ATP8A2: variants seen among roughly 807,000 people sequenced by gnomAD.
The protein encoded by ATP8A2 is ATPase phospholipid transporting 8A2.
In ATP8A2, 100 loss-of-function variants were observed where a neutral mutation model predicts 165.6. That is an observed-to-expected ratio of 0.60 (90% CI 0.51 to 0.71). ATP8A2 has a LOEUF of 0.71. Among genes scored for constraint, ATP8A2 ranks in the 30% least tolerant of loss-of-function variants. ATP8A2 has a pLI of 0.00. For missense variants in ATP8A2, 1,227 were observed against 1,479.5 expected, an observed-to-expected ratio of 0.83 and a Z score of 2.80; for synonymous variants, 543 against 548.8, an observed-to-expected ratio of 0.99 and a Z score of 0.15.
At chr13:25,791,556 C>CACACAT (rs1210476968) in intron 27 of ATP8A2, among the ~76,000 whole-genome samples, 5 of 151,576 alleles carry the variant, frequency 3.3e-5, no homozygotes, top group Non-Finnish European at 2.9e-5. Flanking sequence ...CACACACACA[C>CACACAT]ACACACACAC....
At chr13:25,607,131 A>G (rs2040537801) in intron 24 of ATP8A2, among the ~76,000 whole-genome samples, 1 of 152,134 alleles carries the variant, frequency 6.6e-6, no homozygotes, top group Non-Finnish European at 1.5e-5. Context: ...CCTTATGAAA[A>G]TTTAACTAAT....
At chr13:25,577,228 T>C in intron 20 of ATP8A2, 90 bp downstream of exon 20, 2 of 1,108,956 alleles carry the variant, frequency 1.8e-6, no homozygotes, top group Non-Finnish European at 2.7e-6. Flanking sequence ...CATCATTCCC[T>C]GATTGTTTGT....
chr13:25,648,228 A>C (rs1338308991), intron 24 of ATP8A2, among the ~76,000 whole-genome samples: 2 of 152,020 alleles, frequency 1.3e-5, no homozygotes, highest in Admixed American at 6.6e-5. Flanking sequence ...TCCAGTTCAG[A>C]TATTGCTTCT....
Position 25,582,458 on chromosome 13 carries a change from C to T in ATP8A2, c.2146+501C>T, listed in dbSNP as rs1032450637. ...GGAATTTAAGTCAGGATAACTCTGC[C>T]GTTGTTAAAGGAGCACGTTTTAAGT... is the stretch of plus-strand genomic sequence containing the variant. On this transcript the variant is annotated intron_variant, in intron 23 of 36. Coordinates refer to ENST00000381655, the MANE Select transcript of ATP8A2 (RefSeq NM_016529.6). 1.3e-5 allele frequency among the ~76,000 whole-genome samples: 2 copies of T among 152,138 alleles called. 1 individual carries two copies. Among genetic ancestry groups the T allele is most frequent in the South Asian group, 4.1e-4 (2 of 4,820 alleles).
At chr13:25,638,483 G>A (rs2041428900) in intron 24 of ATP8A2, among the ~76,000 whole-genome samples, 1 of 152,162 alleles carries the variant, frequency 6.6e-6, no homozygotes, top group Non-Finnish European at 1.5e-5. Flanking sequence ...TAGCCGATTC[G>A]ATCAACTGGA....
intron 25 of ATP8A2, among the ~76,000 whole-genome samples, chr13:25,764,800 C>G (rs2044456802): frequency 6.6e-6 from 1 of 152,166 alleles, no homozygotes; most frequent in South Asian, 2.1e-4. Flanking sequence ...TTTTGGGTCT[C>G]TAGGGGGTTC....
chr13:25,774,531 T>G (rs111735384), intron 26 of ATP8A2, among the ~76,000 whole-genome samples: 4,202 of 152,280 alleles, frequency 0.028, 185 homozygotes, highest in African/African-American at 0.096. Flanking sequence ...TAATAAACCT[T>G]CACATCCTGC....
chr13:25,378,694 G>A (rs143534348), intron 1 of ATP8A2, among the ~76,000 whole-genome samples: 17 of 152,272 alleles, frequency 1.1e-4, no homozygotes, highest in Admixed American at 2.0e-4. Context: ...TGCGAGTGAA[G>A]CACCTCCTCC....
At position 25,914,437 on chromosome 13, in the gene ATP8A2, A is replaced by C. The variant is rs909125565; in HGVS notation, c.3184-47138A>C. On this transcript the variant is annotated intron_variant, in intron 33 of 36. Coordinates refer to ENST00000381655, the MANE Select transcript of ATP8A2 (RefSeq NM_016529.6). Reference sequence around the variant, plus strand: ...ATCAACATACTTGAAAATAAAATCTATTTTCTACAACCTGTGTACTGATGA... The same window carrying C: ...ATCAACATACTTGAAAATAAAATCTCTTTTCTACAACCTGTGTACTGATGA... 2.6e-5 allele frequency among the ~76,000 whole-genome samples: 4 copies of C among 151,990 alleles called. No homozygotes were observed. In the East Asian group the frequency reaches 7.7e-4, roughly 29 times the overall value.
In ATP8A2 at chr13:25,436,266, C is replaced by T. The variant is rs572081743; in HGVS notation, c.77-32711C>T. ...GTAGGCAGTTCCTCAGCCCCTACCCCGTCCCCAATCCAGCAGTCCCAGTAT... is the reference window on the plus strand; with the variant it reads ...GTAGGCAGTTCCTCAGCCCCTACCCTGTCCCCAATCCAGCAGTCCCAGTAT... On this transcript the variant is annotated intron_variant, in intron 1 of 36. Transcript: ENST00000381655. 2.8e-3 allele frequency among the ~76,000 whole-genome samples: 431 copies of T among 152,184 alleles called. 21 individuals carry two copies. The South Asian group carries it at 0.082, about 29-fold the overall frequency.
At chr13:25,453,366 TC>T (rs1410640878) in intron 1 of ATP8A2, among the ~76,000 whole-genome samples, 1 of 152,068 alleles carries the variant, frequency 6.6e-6, no homozygotes, top group African/African-American at 2.4e-5. Flanking sequence ...CCTCAAGTGA[TC>T]CATCCGCCTC....
rs1215888729 is a variant in ATP8A2, at chr13:25,528,834, C to T, written c.222-1165C>T. 5.2e-5 allele frequency among the ~76,000 whole-genome samples: 4 copies of T among 77,244 alleles called. 1 individual carries two copies. Among genetic ancestry groups the T allele is most frequent in the African/African-American group, 1.6e-4 (4 of 25,032 alleles). The allele number at this position is 77,244 out of a possible 152,430, so 50.7% of individuals were successfully genotyped here. ...AACATGTGTATGCACACATATGCAA[C>T]ATGTGTATGCACACATATGCAACAT... On this transcript the variant is annotated intron_variant, in intron 2 of 36. Coordinates refer to ENST00000381655, the MANE Select transcript of ATP8A2 (RefSeq NM_016529.6).
chr13:25,780,840 C>G (rs2044858134), intron 27 of ATP8A2, among the ~76,000 whole-genome samples: 1 of 152,072 alleles, frequency 6.6e-6, no homozygotes, highest in African/African-American at 2.4e-5. Context: ...GCAATATTGC[C>G]CGCTAGCCCT....
At chr13:25,668,879 T>C (rs908072223) in intron 24 of ATP8A2, among the ~76,000 whole-genome samples, 6 of 152,290 alleles carry the variant, frequency 3.9e-5, no homozygotes, top group Middle Eastern at 3.4e-3. Flanking sequence ...AGAATTTCTG[T>C]TTGATTCGTT....
At chr13:25,562,631 G>C (rs2039191692) in intron 15 of ATP8A2, among the ~76,000 whole-genome samples, 1 of 152,180 alleles carries the variant, frequency 6.6e-6, no homozygotes, top group African/African-American at 2.4e-5. Context: ...TGGTTCAACT[G>C]TTTTGGAAGC....
intron 33 of ATP8A2, among the ~76,000 whole-genome samples, chr13:25,939,740 A>C (rs1375758491): frequency 6.6e-6 from 1 of 152,120 alleles, no homozygotes; most frequent in African/African-American, 2.4e-5. Flanking sequence ...TCCCCGACTC[A>C]CAGCCATCCC....
chr13:25,652,992 G>A (rs2041848171), intron 24 of ATP8A2, among the ~76,000 whole-genome samples: 2 of 152,178 alleles, frequency 1.3e-5, no homozygotes, highest in Non-Finnish European at 1.5e-5. Flanking sequence ...CTCCTGCTGT[G>A]TACTTCATCA....
At chr13:25,831,417 G>A (rs150519541) in intron 28 of ATP8A2, among the ~76,000 whole-genome samples, 1,829 of 152,026 alleles carry the variant, frequency 0.012, 43 homozygotes, top group African/African-American at 0.039. Flanking sequence ...GTTTCACTGT[G>A]TTAGCCAGGA....
intron 25 of ATP8A2, among the ~76,000 whole-genome samples, chr13:25,726,906 A>T (rs2043506639): frequency 6.6e-6 from 1 of 152,098 alleles, no homozygotes; most frequent in Non-Finnish European, 1.5e-5. Context: ...TGCTGGGAGG[A>T]AGGCTCCATG....
Sources: allele counts gnomAD v4.1 joint callset (sites outside exome capture counted in the v4.1 genomes callset), GRCh38; gene constraint gnomAD v4.1.1; transcripts MANE v1.5; gene names NCBI Gene and HGNC (gene_info 2026-07-23, HGNC 2026-07-21).